ANKZF1: variants seen among roughly 807,000 people sequenced by gnomAD.
The protein encoded by ANKZF1 is ankyrin repeat and zinc finger peptidyl tRNA hydrolase 1.
Under a neutral mutation model 86.0 loss-of-function variants are expected in ANKZF1, and 84 were observed. That is an observed-to-expected ratio of 0.98 (90% CI 0.82 to 1.17). The LOEUF (loss-of-function observed/expected upper bound fraction) is 1.17, where lower values mean the gene tolerates loss of function less well. Among genes scored for constraint, ANKZF1 ranks in the 50% most tolerant of loss-of-function variants. ANKZF1 has a pLI of 0.00. For synonymous variants in ANKZF1, 331 were observed against 354.2 expected (o/e 0.93, Z 0.74); for missense variants, 893 against 918.4 (o/e 0.97, Z 0.36).
chr2:219,235,498 T>A lies in ANKZF1; in HGVS notation c.1716T>A (p.Tyr572Ter). The A allele has an allele frequency of 2.5e-6, 4 of 1,614,044 alleles. No individual in the cohort carries two copies. The highest frequency in any genetic ancestry group is 3.4e-6 in the Non-Finnish European group (4 of 1,179,974). The change falls in exon 11 of 14, where the codon TAT becomes TAA. Residue 572 changes from tyrosine to a stop codon, truncating the protein, a stop_gained. Transcript: ENST00000323348. LOFTEE classifies it high-confidence loss of function. The part of the protein sequence containing the change: ...TVQDSRARPP[Y>*]TVAADKSTRN... ...GGGACTCTCGGGCCCGGCCACCTTA[T>A]ACTGTTGCGGCTGACAAATCAACAC...
Position 219,233,843 on chromosome 2 carries a change from G to C in ANKZF1, c.948G>C (p.Arg316Ser). The change falls in exon 8 of 14, where the codon AGG becomes AGC. Residue 316 changes from arginine to serine, a missense_variant. Physicochemically the swap from Arg to Ser is moderately radical, Grantham distance 110. Transcript: ENST00000323348. ...GAGGCAAGGGAGCACCCCTGCAAAGGGGGGATCCCCGACTTTGGGATATCC... is the reference window on the plus strand; with the variant it reads ...GAGGCAAGGGAGCACCCCTGCAAAGCGGGGATCCCCGACTTTGGGATATCC... Reference protein sequence around the residue: ...FFGGKGAPLQRGDPRLWDIPL... With the variant: ...FFGGKGAPLQSGDPRLWDIPL... 1.2e-6 allele frequency: 2 copies of C among 1,613,528 alleles called. No homozygotes were observed. The highest frequency in any genetic ancestry group is 1.1e-5 in the South Asian group (1 of 91,010).
chr2:219,236,653 G>A lies in ANKZF1; in HGVS notation c.*208G>A, dbSNP rs1396542483. ...ATCACAATAAAGTTTGGCAAGGAAT[G>A]TGTACTTGTACTTACATTCAGAGGC... On this transcript the variant is annotated 3_prime_UTR_variant, in exon 14 of 14. Transcript: ENST00000323348. The A allele has an allele frequency of 6.0e-6, 4 of 668,198 alleles. No homozygotes were observed. In the Admixed American group the frequency reaches 1.1e-4, roughly 18 times the overall value. The allele number at this position is 668,198 out of a possible 1,614,324, so 41.4% of individuals were successfully genotyped here.
rs200877173 is a variant in ANKZF1 at position 219,233,904 on chromosome 2, C to T, written c.1009C>T (p.Gln337Ter). 5 of 1,604,306 alleles carry T rather than the reference C, an allele frequency of 3.1e-6. No homozygotes were observed. Among genetic ancestry groups the T allele is most frequent in the African/African-American group, 1.3e-5 (1 of 74,652 alleles). ...CCGCAGACCCACCTTCCAAGAGCTA[C>T]AGCGTGTGCTCCATAAGCTGACCAC... The part of the protein sequence containing the change: ...ATRRPTFQEL[Q>*]RVLHKLTTLH... The change falls in exon 8 of 14, where the codon CAG becomes TAG. Residue 337 changes from glutamine to a stop codon, truncating the protein, a stop_gained. Coordinates refer to ENST00000323348, the MANE Select transcript of ANKZF1 (RefSeq NM_018089.3). LOFTEE classifies it high-confidence loss of function.
In ANKZF1 at chr2:219,236,369, A is replaced by G. The variant is rs1289229081; in HGVS notation, c.2105A>G (p.His702Arg). 1.2e-6 allele frequency: 2 copies of G among 1,613,948 alleles called. No individual in the cohort carries two copies. The highest frequency in any genetic ancestry group is 1.7e-6 in the Non-Finnish European group (2 of 1,180,008). The change falls in exon 14 of 14, where the codon CAC (histidine) becomes CGC (arginine). Residue 702 changes from histidine (H) to arginine (R), a missense_variant. Transcript: ENST00000323348. ...TCCCTCCAAGGCCTGACTCCCTTTCACTACCTCGACTTCTCTTTCTGCTCC... is the reference window on the plus strand; with the variant it reads ...TCCCTCCAAGGCCTGACTCCCTTTCGCTACCTCGACTTCTCTTTCTGCTCC... ...GASLQGLTPF[H>R]YLDFSFCSTR...
chr2:219,232,140 G>T, intron 3 of ANKZF1, 100 bp downstream of exon 3: 1 of 1,412,590 alleles, frequency 7.1e-7, no homozygotes, highest in South Asian at 1.3e-5. Flanking sequence ...TCCATGCTTT[G>T]ACTGAGGCAG....
At position 219,232,738 on chromosome 2, in the gene ANKZF1, A is replaced by G. The variant is rs935252740; in HGVS notation, c.558+55A>G. On this transcript the variant is annotated intron_variant, in intron 5 of 13. Coordinates refer to ENST00000323348, the MANE Select transcript of ANKZF1 (RefSeq NM_018089.3). The stretch of plus-strand genomic sequence containing the variant: ...CCCCAGCCTTTTGTACACCCAGCCT[A>G]GATTTCCCTTAGCCTAGTGCATTTC... 8 of 1,559,476 alleles carry G rather than the reference A, an allele frequency of 5.1e-6. No individual in the cohort carries two copies. In the African/African-American group the frequency reaches 8.2e-5, roughly 16 times the overall value.
At position 219,235,136 on chromosome 2, in the gene ANKZF1, A is replaced by G; in HGVS notation, c.1515A>G (p.Gly505=). The G allele has an allele frequency of 6.2e-7, 1 of 1,614,150 alleles. No homozygotes were observed. The change falls in exon 10 of 14, where the codon GGA becomes GGG. Residue 505 remains glycine, a synonymous_variant. Coordinates refer to ENST00000323348, the MANE Select transcript of ANKZF1 (RefSeq NM_018089.3). ...WNALLAACRA[G]DVGVLKLQLA... is the part of the protein sequence containing the mutation. ...CACTGCTTGCTGCTTGCCGAGCTGG[A>G]GATGTTGGAGTGCTAAAGCTGCAGC...
Sources: gnomAD v4.1 joint callset for allele counts on GRCh38, gnomAD v4.1.1 for gene constraint, MANE v1.5 for transcripts, NCBI Gene and HGNC (gene_info 2026-07-23, HGNC 2026-07-21) for gene names.